The following RFX4 variants were observed in gnomAD, a reference collection of about 807,000 sequenced individuals.
RFX4 encodes the protein regulatory factor X4.
In RFX4, 10 loss-of-function variants were observed where a neutral mutation model predicts 95.0. The observed-to-expected ratio is 0.11, with a 90% confidence interval of 0.06 to 0.18. RFX4 has a LOEUF of 0.18. RFX4 is among the 10% of genes least tolerant of loss of function. The pLI is 1.00. For synonymous variants in RFX4, 321 were observed against 340.7 expected (o/e 0.94, Z 0.64); for missense variants, 640 against 922.0 (o/e 0.69, Z 3.96).
rs34213070 is a variant in RFX4 at position 106,704,065 on chromosome 12, CAAAAAAA to C, written c.834-5245_834-5239del. On this transcript the variant is annotated intron_variant, in intron 8 of 17. Coordinates refer to ENST00000392842, the MANE Select transcript of RFX4 (RefSeq NM_213594.3). ...TGGGTGACATAGCAAGACACTGTCT[CAAAAAAA>C]AAAAAAAAAAAAAAAAAAAGGCTGA... Among the ~76,000 whole-genome samples, 16 of 40,964 alleles carry C rather than the reference CAAAAAAA, an allele frequency of 3.9e-4. No homozygotes were observed. In the South Asian group the frequency reaches 0.017, roughly 43 times the overall value. 26.9% of individuals were successfully genotyped at this position (40,964 alleles called of 152,430 possible). A position where few individuals can be genotyped will look rare whatever the true frequency, so the allele number is the denominator to read the frequency against.
At chr12:106,625,643 C>G (rs961294422) in intron 2 of RFX4, among the ~76,000 whole-genome samples, 8 of 152,116 alleles carry the variant, frequency 5.3e-5, no homozygotes, top group Admixed American at 2.0e-4. Flanking sequence ...ATGGGTAGAA[C>G]AGAAATTTCT....
intron 3 of RFX4, among the ~76,000 whole-genome samples, chr12:106,653,634 A>C (rs2040898415): frequency 6.6e-6 from 1 of 152,238 alleles, no homozygotes; most frequent in Non-Finnish European, 1.5e-5. Flanking sequence ...CTAGCACAGC[A>C]GAGGAGAAGA....
intron 2 of RFX4, among the ~76,000 whole-genome samples, chr12:106,635,392 A>C (rs1402084147): frequency 6.6e-6 from 1 of 152,090 alleles, no homozygotes; most frequent in Non-Finnish European, 1.5e-5. Flanking sequence ...ATCTCTTTGC[A>C]ACCTCCGCCT....
Position 106,672,763 on chromosome 12 carries a change from TAA to T in RFX4, c.316-9214_316-9213del, listed in dbSNP as rs58826004. Among the ~76,000 whole-genome samples, 345 of 130,868 alleles carry T rather than the reference TAA, an allele frequency of 2.6e-3. 1 individual carries two copies. Among genetic ancestry groups the T allele is most frequent in the African/African-American group, 8.8e-3 (313 of 35,458 alleles). The allele number at this position is 130,868 out of a possible 152,430, so 85.9% of individuals were successfully genotyped here. On this transcript the variant is annotated intron_variant, in intron 4 of 17. Coordinates refer to ENST00000392842, the MANE Select transcript of RFX4 (RefSeq NM_213594.3). ...TAATTTGCAGCCCATAAGAAACACTTAAAAAAAAAAAAAAAAAGCCAAACCCC... is the reference window on the plus strand; with the variant it reads ...TAATTTGCAGCCCATAAGAAACACTTAAAAAAAAAAAAAAAGCCAAACCCC...
chr12:106,670,966 G>A (rs2041268994), intron 4 of RFX4, among the ~76,000 whole-genome samples: 1 of 149,886 alleles, frequency 6.7e-6, no homozygotes, highest in African/African-American at 2.5e-5. Flanking sequence ...TGTTTCTTAT[G>A]TGTGTTTTTA....
chr12:106,687,992 T>G (rs2041696070), intron 6 of RFX4, among the ~76,000 whole-genome samples: 1 of 152,118 alleles, frequency 6.6e-6, no homozygotes, highest in Non-Finnish European at 1.5e-5. Context: ...CTGATAGTTT[T>G]GATCATAGAA....
intron 2 of RFX4, among the ~76,000 whole-genome samples, chr12:106,609,998 G>T (rs958204383): frequency 6.6e-6 from 1 of 152,038 alleles, no homozygotes; most frequent in Non-Finnish European, 1.5e-5. Flanking sequence ...GTTGTCTCTA[G>T]CAGTAGTTAT....
chr12:106,595,793 G>A lies in RFX4; in HGVS notation c.43+12430G>A, dbSNP rs79264645. Reference sequence around the variant, plus strand: ...TCATCGATAGAATCATTAACAGTGCGGGCTCTGGAATCCAGCAGGCTTCCT... The same window carrying A: ...TCATCGATAGAATCATTAACAGTGCAGGCTCTGGAATCCAGCAGGCTTCCT... On this transcript the variant is annotated intron_variant, in intron 1 of 17. Transcript: ENST00000392842. Among the ~76,000 whole-genome samples the A allele has an allele frequency of 6.8e-3, 1,042 of 152,260 alleles. 20 individuals carry two copies. Among genetic ancestry groups the A allele is most frequent in the East Asian group, 0.062 (323 of 5,184 alleles).
At position 106,667,251 on chromosome 12, in the gene RFX4, G is replaced by A. The variant is rs1446049210; in HGVS notation, c.315+12900G>A. ...TGGTGTTGGGTTATTTCCCTTCTCC[G>A]CATGGAAGGCTAGAGCTGACTGGAG... On this transcript the variant is annotated intron_variant, in intron 4 of 17. Coordinates refer to ENST00000392842, the MANE Select transcript of RFX4 (RefSeq NM_213594.3). Among the ~76,000 whole-genome samples, 5 of 152,020 alleles carry A rather than the reference G, an allele frequency of 3.3e-5. No homozygotes were observed. In the South Asian group the frequency reaches 6.2e-4, roughly 19 times the overall value.
chr12:106,586,762 T>C lies in RFX4; in HGVS notation c.43+3399T>C, dbSNP rs1171254001. 6.6e-6 allele frequency among the ~76,000 whole-genome samples: 1 copy of C among 152,206 alleles called. No homozygotes were observed. The highest frequency in any genetic ancestry group is 2.4e-5 in the African/African-American group (1 of 41,440). ...CCACCAAATTAATTATATGCCTTTGTGGGCCCGGGGTAGGGATGTCCAGTG... is the reference window on the plus strand; with the variant it reads ...CCACCAAATTAATTATATGCCTTTGCGGGCCCGGGGTAGGGATGTCCAGTG... On this transcript the variant is annotated intron_variant, in intron 1 of 17. Coordinates refer to ENST00000392842, the MANE Select transcript of RFX4 (RefSeq NM_213594.3). This position sits in a 1 kb window ranked among gnomAD's most constrained non-coding sequence, Gnocchi z 5.6.
intron 13 of RFX4, among the ~76,000 whole-genome samples, chr12:106,730,886 G>A (rs550025346): frequency 5.9e-5 from 9 of 152,178 alleles, no homozygotes; most frequent in Non-Finnish European, 1.0e-4. Flanking sequence ...TATCATCCCA[G>A]CTACTGGGGA....
In RFX4 at chr12:106,715,525, C is replaced by T. The variant is rs1484679454; in HGVS notation, c.1119C>T (p.His373=). The part of the protein sequence containing the change: ...LYTMEDSRDE[H]RKLITQLYQE... Reference sequence around the variant, plus strand: ...CCATGGAAGACTCTCGCGATGAGCACCGGAAACTCATCACCCAATGTAAGC... The same window carrying T: ...CCATGGAAGACTCTCGCGATGAGCATCGGAAACTCATCACCCAATGTAAGC... Residue 373 remains histidine, a synonymous_variant, in exon 11 of 18, where the codon CAC becomes CAT. Transcript: ENST00000392842. The T allele has an allele frequency of 2.5e-6, 4 of 1,614,028 alleles. No homozygotes were observed. The highest frequency in any genetic ancestry group is 3.4e-6 in the Non-Finnish European group (4 of 1,180,016).
chr12:106,583,494 A>G lies in RFX4; in HGVS notation c.43+131A>G, dbSNP rs1299704034. ...AGTGGAACCCCAAAGAATAACGCAG[A>G]GCTTGCAGAAGTTTTCAATTCGAGG... On this transcript the variant is annotated intron_variant, in intron 1 of 17. Transcript: ENST00000392842. 7.6e-6 allele frequency: 6 copies of G among 786,176 alleles called. No homozygotes were observed. In the East Asian group the frequency reaches 1.9e-4, roughly 24 times the overall value. 48.7% of individuals were successfully genotyped at this position (786,176 alleles called of 1,614,324 possible).
At chr12:106,640,300 G>A (rs1307758759) in intron 3 of RFX4, among the ~76,000 whole-genome samples, 1 of 152,218 alleles carries the variant, frequency 6.6e-6, no homozygotes, top group Admixed American at 6.5e-5. Context: ...CAAAGCTCAT[G>A]CTTGCGAAGA....
intron 1 of RFX4, among the ~76,000 whole-genome samples, chr12:106,598,492 G>A (rs566135600): frequency 6.6e-6 from 1 of 152,262 alleles, no homozygotes; most frequent in South Asian, 2.1e-4. Flanking sequence ...AAGAAAGGTA[G>A]TTACCGGGTT....
At chr12:106,601,672 A>G (rs1486559837) in intron 1 of RFX4, among the ~76,000 whole-genome samples, 1 of 152,174 alleles carries the variant, frequency 6.6e-6, no homozygotes, top group Non-Finnish European at 1.5e-5. Flanking sequence ...CCACTGCTTG[A>G]ACACCACGGC....
chr12:106,695,836 C>A (rs937949932), intron 7 of RFX4, among the ~76,000 whole-genome samples: 2 of 152,190 alleles, frequency 1.3e-5, no homozygotes, highest in Non-Finnish European at 2.9e-5. Flanking sequence ...TCCTTTTACC[C>A]GCGACTCCCA....
At chr12:106,747,897 C>T (rs971514218) in intron 16 of RFX4, among the ~76,000 whole-genome samples, 2 of 148,956 alleles carry the variant, frequency 1.3e-5, no homozygotes, top group East Asian at 1.9e-4. Context: ...CGCTGAACTC[C>T]AGCCTGGGTG....
At chr12:106,734,118 G>A (rs1324749498) in intron 15 of RFX4, among the ~76,000 whole-genome samples, 1 of 152,164 alleles carries the variant, frequency 6.6e-6, no homozygotes, top group Admixed American at 6.5e-5. Flanking sequence ...ACCTAGAATA[G>A]TCAAAGTCAC....
Sources: allele counts gnomAD v4.1 joint callset (sites outside exome capture counted in the v4.1 genomes callset), GRCh38; gene constraint gnomAD v4.1.1; non-coding constraint Gnocchi (gnomAD v3.1); transcripts MANE v1.5; gene names NCBI Gene and HGNC (gene_info 2026-07-23, HGNC 2026-07-21).